Variants in TAFA2 observed in about 807,000 individuals in gnomAD.
TAFA2 encodes TAFA chemokine like family member 2.
Under a neutral mutation model 18.8 loss-of-function variants are expected in TAFA2, and 7 were observed. That is an observed-to-expected ratio of 0.37 (90% CI 0.21 to 0.70). The LOEUF is 0.70. Among genes scored for constraint, TAFA2 ranks in the 30% least tolerant of loss-of-function variants. TAFA2 has a pLI of 0.53. For missense variants in TAFA2, 122 were observed against 158.1 expected, an observed-to-expected ratio of 0.77 and a Z score of 1.23; for synonymous variants, 60 against 54.2, an observed-to-expected ratio of 1.11 and a Z score of -0.47.
At chr12:61,915,037 TG>T (rs1876765516) in intron 1 of TAFA2, among the ~76,000 whole-genome samples, 1 of 152,130 alleles carries the variant, frequency 6.6e-6, no homozygotes, top group African/African-American at 2.4e-5. Flanking sequence ...GGTGGACACC[TG>T]TAATCCTAGC....
chr12:62,085,298 C>A lies in TAFA2; in HGVS notation c.-2+105961G>T, dbSNP rs574171241. ...CTTATTTCTTCTTCAGATGAAAGAA[C>A]TGTTTTCAATGTTATATTTGTGTTA... is the stretch of plus-strand genomic sequence containing the variant. On this transcript the variant is annotated intron_variant, in intron 1 of 4. Coordinates refer to ENST00000416284, the MANE Select transcript of TAFA2 (RefSeq NM_178539.5). 1.5e-4 allele frequency among the ~76,000 whole-genome samples: 23 copies of A among 152,192 alleles called. No homozygotes were observed. The South Asian group carries it at 4.2e-3, about 27-fold the overall frequency.
chr12:62,056,273 C>A (rs905913423), intron 1 of TAFA2, among the ~76,000 whole-genome samples: 4 of 152,104 alleles, frequency 2.6e-5, no homozygotes, highest in African/African-American at 9.7e-5. Context: ...TAAAACACTC[C>A]CTTCTTCAAT....
chr12:61,789,530 G>A (rs564002326), intron 2 of TAFA2, among the ~76,000 whole-genome samples: 105 of 151,896 alleles, frequency 6.9e-4, no homozygotes, highest in African/African-American at 2.4e-3. Context: ...ATCACACACT[G>A]GGGCCTGTCA....
intron 1 of TAFA2, among the ~76,000 whole-genome samples, chr12:61,942,145 C>A (rs1878055606): frequency 6.7e-6 from 1 of 149,218 alleles, no homozygotes; most frequent in African/African-American, 2.5e-5. Flanking sequence ...GTCCCTGACC[C>A]CTGACCCCCG....
chr12:61,901,754 T>C (rs979015144), intron 1 of TAFA2, among the ~76,000 whole-genome samples: 1 of 152,146 alleles, frequency 6.6e-6, no homozygotes, highest in African/African-American at 2.4e-5. Context: ...TTACATTAAT[T>C]ATCTGTCTCA....
At position 62,121,454 on chromosome 12, in the gene TAFA2, T is replaced by A. The variant is rs187729240; in HGVS notation, c.-2+69805A>T. ...ACTCAGTGACTAAATCTATTAGTTA[T>A]GAGAAATAACGAATTCCCATGAATG... On this transcript the variant is annotated intron_variant, in intron 1 of 4. Coordinates refer to ENST00000416284, the MANE Select transcript of TAFA2 (RefSeq NM_178539.5). 1.2e-4 allele frequency among the ~76,000 whole-genome samples: 19 copies of A among 152,306 alleles called. No individual in the cohort carries two copies. The East Asian group carries it at 3.7e-3, about 29-fold the overall frequency.
rs1881151138 is a variant in TAFA2, at chr12:62,021,832, G to A, written c.-1-154406C>T. On this transcript the variant is annotated intron_variant, in intron 1 of 4. Transcript: ENST00000416284. ...ACACGGTCTCCGCTGTGGATCATCA[G>A]GCCATCCACAAAACTTCATGGATTT... 3.7e-6 allele frequency: 3 copies of A among 817,300 alleles called. No homozygotes were observed. In the East Asian group the frequency reaches 7.3e-5, roughly 20 times the overall value. 50.6% of individuals were successfully genotyped at this position (817,300 alleles called of 1,614,324 possible). A position where few individuals can be genotyped will look rare whatever the true frequency, so the allele number is the denominator to read the frequency against.
rs1028953444 is a variant in TAFA2 at position 61,793,227 on chromosome 12, G to T, written c.107-38203C>A. On this transcript the variant is annotated intron_variant, in intron 2 of 4. Coordinates refer to ENST00000416284, the MANE Select transcript of TAFA2 (RefSeq NM_178539.5). ...TAAAAAGGGGAAAATTATACCTAAA[G>T]TAAGGACAAAGAGGCAATAATAAAG... Among the ~76,000 whole-genome samples, 159 of 151,606 alleles carry T rather than the reference G, an allele frequency of 1.0e-3. 3 individuals carry two copies. The highest frequency in any genetic ancestry group is 2.6e-4 in the Admixed American group (4 of 15,206).
chr12:62,144,983 T>G (rs1484593671), intron 1 of TAFA2, among the ~76,000 whole-genome samples: 1 of 152,162 alleles, frequency 6.6e-6, no homozygotes, highest in Non-Finnish European at 1.5e-5. Flanking sequence ...ATAAAATGGA[T>G]TTTACTTTTC....
At chr12:62,133,688 T>C (rs1295964870) in intron 1 of TAFA2, among the ~76,000 whole-genome samples, 1 of 152,016 alleles carries the variant, frequency 6.6e-6, no homozygotes, top group East Asian at 1.9e-4. Flanking sequence ...GCAAGCAAGA[T>C]AGAGCCCCAT....
chr12:62,111,825 C>T (rs1869745197), intron 1 of TAFA2, among the ~76,000 whole-genome samples: 1 of 151,944 alleles, frequency 6.6e-6, no homozygotes, highest in South Asian at 2.1e-4. Flanking sequence ...TTTTCTTTTG[C>T]TTTCTATTTG....
At chr12:61,724,581 C>G (rs900161090) in intron 4 of TAFA2, among the ~76,000 whole-genome samples, 1 of 151,952 alleles carries the variant, frequency 6.6e-6, no homozygotes, top group Admixed American at 6.6e-5. Flanking sequence ...TGTATCATTC[C>G]TATGCCTTTG....
intron 1 of TAFA2, among the ~76,000 whole-genome samples, chr12:62,096,795 A>G (rs1868971527): frequency 6.6e-6 from 1 of 152,090 alleles, no homozygotes; most frequent in South Asian, 2.1e-4. Context: ...ACCCTTCCCC[A>G]AGCTGCCAAA....
At chr12:62,207,712 T>C (rs1269936182) in intron 1 of TAFA2, among the ~76,000 whole-genome samples, 6 of 152,194 alleles carry the variant, frequency 3.9e-5, no homozygotes, top group African/African-American at 1.4e-4. Flanking sequence ...CACAATGTTA[T>C]ACTCAATCAA....
At chr12:61,713,954 T>C (rs901120725) in intron 4 of TAFA2, among the ~76,000 whole-genome samples, 1 of 152,226 alleles carries the variant, frequency 6.6e-6, no homozygotes, top group Non-Finnish European at 1.5e-5. Flanking sequence ...CATTGCCATA[T>C]TTTTACAACT....
chr12:61,951,243 G>T (rs925161567), intron 1 of TAFA2, among the ~76,000 whole-genome samples: 2 of 152,198 alleles, frequency 1.3e-5, no homozygotes, highest in Non-Finnish European at 2.9e-5. Context: ...ATATAACGCT[G>T]TAAGAGTGAT....
At chr12:62,112,060 T>C (rs1332242858) in intron 1 of TAFA2, among the ~76,000 whole-genome samples, 9 of 152,210 alleles carry the variant, frequency 5.9e-5, no homozygotes, top group Non-Finnish European at 1.0e-4. Flanking sequence ...TGCCCATTAG[T>C]TGATGCAGTT....
intron 1 of TAFA2, among the ~76,000 whole-genome samples, chr12:62,152,346 A>G (rs2062334249): frequency 1.3e-5 from 2 of 152,224 alleles, no homozygotes; most frequent in African/African-American, 4.8e-5. Flanking sequence ...CCCCAGGAAG[A>G]TAAGTCACCC....
At chr12:61,881,931 C>T (rs1592457929) in intron 1 of TAFA2, among the ~76,000 whole-genome samples, 1 of 151,244 alleles carries the variant, frequency 6.6e-6, no homozygotes, top group South Asian at 2.1e-4. Context: ...AAAAAAAAAG[C>T]AAGAAGGGAA....
Sources: allele counts gnomAD v4.1 joint callset (sites outside exome capture counted in the v4.1 genomes callset), GRCh38; gene constraint gnomAD v4.1.1; transcripts MANE v1.5; gene names NCBI Gene and HGNC (gene_info 2026-07-23, HGNC 2026-07-21).